LDHA: variants seen among roughly 807,000 people sequenced by gnomAD.
LDHA encodes the protein L-lactate dehydrogenase A chain.
Under a neutral mutation model 36.3 loss-of-function variants are expected in LDHA, and 10 were observed. The observed-to-expected ratio is 0.28, with a 90% CI of 0.17 to 0.47. The LOEUF is 0.47. Among genes scored for constraint, LDHA ranks in the 20% least tolerant of loss-of-function variants. LDHA has a pLI of 0.99. For missense variants in LDHA, 267 were observed against 405.8 expected, an observed-to-expected ratio of 0.66 and a Z score of 2.94; for synonymous variants, 110 against 136.7, an observed-to-expected ratio of 0.80 and a Z score of 1.36.
At chr11:18,401,189 G>A (rs900559710) in intron 4 of LDHA, among the ~76,000 whole-genome samples, 179 bp downstream of exon 4, 5 of 149,206 alleles carry the variant, frequency 3.4e-5, no homozygotes, top group Admixed American at 1.3e-4. Context: ...TGCTCTTGTC[G>A]CCCAGGTTGG....
At position 18,403,027 on chromosome 11, in the gene LDHA, ATTTTCT is replaced by A. The variant is rs754331527; in HGVS notation, c.592+19_592+24del. On this transcript the variant is annotated intron_variant, in intron 5 of 7. Coordinates refer to ENST00000422447, the MANE Select transcript of LDHA (RefSeq NM_005566.4). The stretch of plus-strand genomic sequence containing the variant: ...GAGATTCCAGTGGTAAGCATAAGTT[ATTTTCT>A]TTTTGTTTTTGAAAAGATTATATAA... 1 of 1,610,820 alleles carries A rather than the reference ATTTTCT, an allele frequency of 6.2e-7. No homozygotes were observed. The highest frequency in any genetic ancestry group is 1.7e-5 in the Admixed American group (1 of 59,966).
rs144507081 is a variant in LDHA at position 18,396,904 on chromosome 11, A to G, written c.62A>G (p.Asn21Ser). 6.2e-7 allele frequency: 1 copy of G among 1,613,992 alleles called. No homozygotes were observed. The highest frequency in any genetic ancestry group is 8.5e-7 in the Non-Finnish European group (1 of 1,179,900). The change falls in exon 2 of 8, where the codon AAT becomes AGT. Residue 21 changes from asparagine (N) to serine (S), a missense_variant. Asn to Ser is a conservative substitution (Grantham distance 46, BLOSUM62 1). Transcript: ENST00000422447. ...CTAAAGGAAGAACAGACCCCCCAGA[A>G]TAAGATTACAGTTGTTGGGGTTGGT... is the stretch of plus-strand genomic sequence containing the variant. ...NLLKEEQTPQ[N>S]KITVVGVGAV...
chr11:18,398,069 G>T (rs754408615), intron 2 of LDHA, among the ~76,000 whole-genome samples: 15 of 152,134 alleles, frequency 9.9e-5, no homozygotes, highest in Non-Finnish European at 2.1e-4. Context: ...TTTTTTCTCT[G>T]TGATGGCCTC....
At chr11:18,405,858 G>A in intron 7 of LDHA, 1 of 338,398 alleles carries the variant, frequency 3.0e-6, no homozygotes. Context: ...TCTCCATTGG[G>A]GAAAATAGAA....
chr11:18,395,774 C>T (rs1338880181), intron 1 of LDHA, among the ~76,000 whole-genome samples: 8 of 152,232 alleles, frequency 5.3e-5, no homozygotes, highest in Non-Finnish European at 1.0e-4. Flanking sequence ...TTCGAGGGTT[C>T]CACCAAGTAG....
intron 2 of LDHA, 142 bp from the exon 3 acceptor site, chr11:18,399,289 T>G: frequency 1.5e-6 from 1 of 669,194 alleles, no homozygotes; most frequent in Non-Finnish European, 2.7e-6. Flanking sequence ...TGAAATGGGG[T>G]GCCCTCTACT....
At chr11:18,402,520 A>G (rs1318475779) in intron 4 of LDHA, 3 of 338,928 alleles carry the variant, frequency 8.9e-6, no homozygotes, top group Admixed American at 8.2e-5. Context: ...CTGGTCTTGA[A>G]CTGCTGGCCT....
intron 2 of LDHA, 158 bp downstream of exon 2, chr11:18,397,126 T>C (rs1866332034): frequency 3.0e-6 from 2 of 663,030 alleles, no homozygotes; most frequent in Non-Finnish European, 2.7e-6. Context: ...TGAAATATGA[T>C]AATACACCAA....
chr11:18,402,512 G>A (rs901568657), intron 4 of LDHA: 48 of 324,336 alleles, frequency 1.5e-4, no homozygotes, highest in African/African-American at 1.0e-3. Context: ...TGCCCAGGCT[G>A]GTCTTGAACT....
At chr11:18,407,048 G>T in intron 7 of LDHA, 69 bp from the exon 8 acceptor site, 1 of 1,224,032 alleles carries the variant, frequency 8.2e-7, no homozygotes, top group Non-Finnish European at 1.2e-6. Context: ...TATAGAGACT[G>T]TAAGTCTTGG....
chr11:18,403,271 G>A (rs1254026625), intron 5 of LDHA, among the ~76,000 whole-genome samples: 3 of 152,152 alleles, frequency 2.0e-5, no homozygotes, highest in Non-Finnish European at 4.4e-5. Context: ...TTCTTAGGAT[G>A]TCTTCAGTCA....
chr11:18,405,880 G>T, intron 7 of LDHA: 1 of 325,812 alleles, frequency 3.1e-6, no homozygotes. Flanking sequence ...TTATATTCAA[G>T]TTAGCATTAT....
At chr11:18,405,872 A>C in intron 7 of LDHA, 1 of 342,470 alleles carries the variant, frequency 2.9e-6, no homozygotes, top group Non-Finnish European at 5.5e-6. Flanking sequence ...AATAGAAATT[A>C]TATTCAAGTT....
chr11:18,397,258 T>G (rs1866335370), intron 2 of LDHA: 1 of 250,844 alleles, frequency 4.0e-6, no homozygotes, highest in South Asian at 1.4e-4. Flanking sequence ...GTCCATGATT[T>G]TAAATGAGCC....
chr11:18,396,931 C>A lies in LDHA; in HGVS notation c.89C>A (p.Ala30Asp). 1 of 1,614,030 alleles carries A rather than the reference C, an allele frequency of 6.2e-7. No homozygotes were observed. The highest frequency in any genetic ancestry group is 8.5e-7 in the Non-Finnish European group (1 of 1,179,956). The stretch of plus-strand genomic sequence containing the variant: ...AAGATTACAGTTGTTGGGGTTGGTG[C>A]TGTTGGCATGGCCTGTGCCATCAGT... ...QNKITVVGVGAVGMACAISIL... is the reference protein window; with the variant it reads ...QNKITVVGVGDVGMACAISIL... Residue 30 changes from alanine to aspartate, a missense_variant, in exon 2 of 8, where the codon GCT (alanine) becomes GAT (aspartate). By Grantham distance (126) the Ala-to-Asp change is moderately radical. Coordinates refer to ENST00000422447, the MANE Select transcript of LDHA (RefSeq NM_005566.4).
rs6486425 is a variant in LDHA, at chr11:18,405,249, T to G, written c.711-200T>G. On this transcript the variant is annotated intron_variant, in intron 6 of 7. Transcript: ENST00000422447. ...GGAGGACATTGGAAAGATTGTCATGTTTTTGCTGTTACTAACAGTACTGTT... is the reference window on the plus strand; with the variant it reads ...GGAGGACATTGGAAAGATTGTCATGGTTTTGCTGTTACTAACAGTACTGTT... 0.65 allele frequency among the ~76,000 whole-genome samples: 98,994 copies of G among 152,076 alleles called. 33,246 individuals carry two copies. The highest frequency in any genetic ancestry group is 0.76 in the South Asian group (3,660 of 4,830).
chr11:18,405,648 T>C, intron 7 of LDHA, 76 bp downstream of exon 7: 1 of 1,476,064 alleles, frequency 6.8e-7, no homozygotes, highest in Middle Eastern at 1.7e-4. Context: ...TGAGAAAGAT[T>C]AATACAAGTC....
Position 18,400,824 on chromosome 11 carries a change from C to G in LDHA, c.245-13C>G, listed in dbSNP as rs746719151. ...AAAGGCCTTAATCTGGTCATTATTC[C>G]CCTTTTCTCTAGACTATAATGTAAC... is the stretch of plus-strand genomic sequence containing the variant. On this transcript the variant is annotated splice_polypyrimidine_tract_variant and intron_variant, in intron 3 of 7. Transcript: ENST00000422447. 1.2e-6 allele frequency: 2 copies of G among 1,610,444 alleles called. No individual in the cohort carries two copies. The highest frequency in any genetic ancestry group is 1.7e-6 in the Non-Finnish European group (2 of 1,177,118).
chr11:18,406,309 C>A (rs1565040300), intron 7 of LDHA, among the ~76,000 whole-genome samples: 1 of 150,108 alleles, frequency 6.7e-6, no homozygotes, highest in Non-Finnish European at 1.5e-5. Flanking sequence ...CACACAGTGA[C>A]TGACAGCTGT....
Sources: gnomAD v4.1 joint callset for allele counts (sites outside exome capture counted in the v4.1 genomes callset) on GRCh38, gnomAD v4.1.1 for gene constraint, MANE v1.5 for transcripts, NCBI Gene and HGNC (gene_info 2026-07-23, HGNC 2026-07-21) for gene names.